The following KLHL22 variants were observed in gnomAD, a reference collection of about 807,000 sequenced individuals.
KLHL22 encodes kelch-like protein 22.
In KLHL22, 18 loss-of-function variants were observed where a neutral mutation model predicts 60.7. That is an observed-to-expected ratio of 0.30 (90% CI 0.20 to 0.44). KLHL22 has a LOEUF of 0.44. KLHL22 is among the 20% of genes least tolerant of loss of function. KLHL22 has a pLI of 1.00. For missense variants in KLHL22, 596 were observed against 852.3 expected, an observed-to-expected ratio of 0.70 and a Z score of 3.74; for synonymous variants, 355 against 354.5, an observed-to-expected ratio of 1.00 and a Z score of -0.01.
At chr22:20,457,408 G>A (rs2053080382) in intron 5 of KLHL22, among the ~76,000 whole-genome samples, 1 of 152,110 alleles carries the variant, frequency 6.6e-6, no homozygotes. Flanking sequence ...AGGCCAGTGA[G>A]CTCTCAGGGT....
chr22:20,459,974 G>A lies in KLHL22; in HGVS notation c.1113-1974C>T, dbSNP rs1361425125. 3.9e-5 allele frequency among the ~76,000 whole-genome samples: 6 copies of A among 152,342 alleles called. No individual in the cohort carries two copies. The East Asian group carries it at 1.2e-3, about 29-fold the overall frequency. On this transcript the variant is annotated intron_variant, in intron 4 of 6. Transcript: ENST00000328879. ...AGCTCCCTTGCAGTGATCAGGAAAG[G>A]CCTCCTGAGAAGGCAGGGTCTGAGA...
intron 3 of KLHL22, among the ~76,000 whole-genome samples, chr22:20,470,181 A>T (rs951688268): frequency 6.4e-4 from 97 of 151,058 alleles, no homozygotes; most frequent in African/African-American, 2.0e-3. Context: ...CCTATAAAAA[A>T]ATATATATAT....
At chr22:20,473,335 G>A (rs538940750) in intron 2 of KLHL22, among the ~76,000 whole-genome samples, 13 of 152,112 alleles carry the variant, frequency 8.5e-5, no homozygotes, top group African/African-American at 1.2e-4. Context: ...CTGCTGGGCC[G>A]AAGAGGACCC....
intron 3 of KLHL22, among the ~76,000 whole-genome samples, chr22:20,469,778 G>GTTT (rs362145): frequency 6.7e-6 from 1 of 149,838 alleles, no homozygotes; most frequent in Non-Finnish European, 1.5e-5. Context: ...GACTTGAGTT[G>GTTT]TTTTTTTTTA....
At position 20,446,548 on chromosome 22, in the gene KLHL22, A is replaced by G. The variant is rs8748; in HGVS notation, c.1434T>C (p.Asp478=). 133,893 of 1,613,716 alleles carry G rather than the reference A, an allele frequency of 0.083. 10,192 individuals are homozygous for G. Among genetic ancestry groups the G allele is most frequent in the East Asian group, 0.47 (21,190 of 44,864 alleles). Residue 478 remains aspartate, a synonymous_variant, in exon 6 of 7, where the codon GAT becomes GAC. Coordinates refer to ENST00000328879, the MANE Select transcript of KLHL22 (RefSeq NM_032775.4). ...PGSNTWHTLA[D]GPVRRAWHGM... is the part of the protein sequence containing the mutation. ...CGTGCCAGGCGCGCCGCACAGGCCC[A>G]TCAGCCAGTGTGTGCCAAGTGTTGC...
rs752310356 is a variant in KLHL22 at position 20,489,169 on chromosome 22, C to T, written c.43G>A (p.Ala15Thr). The T allele has an allele frequency of 3.7e-6, 6 of 1,614,130 alleles. 1 individual carries two copies. ...QEFTQLCKLPAQPSHPHCVNN... is the reference protein window; with the variant it reads ...QEFTQLCKLPTQPSHPHCVNN... ...ACGCAGTGTGGGTGTGAGGGCTGTG[C>T]AGGCAACTTGCAGAGCTGGGTGAAC... Residue 15 changes from alanine (A) to threonine (T), a missense_variant, in exon 2 of 7, where the codon GCA becomes ACA. Ala to Thr is a moderately conservative substitution (Grantham distance 58, BLOSUM62 0). Coordinates refer to ENST00000328879, the MANE Select transcript of KLHL22 (RefSeq NM_032775.4).
At position 20,465,885 on chromosome 22, in the gene KLHL22, G is replaced by C. The variant is rs188647748; in HGVS notation, c.394-309C>G. The stretch of plus-strand genomic sequence containing the variant: ...GAATGGAGTGCAGTGGCAGAATCTC[G>C]GCTCACTAACACCTCCCCCTCCCGG... On this transcript the variant is annotated intron_variant, in intron 3 of 6. Coordinates refer to ENST00000328879, the MANE Select transcript of KLHL22 (RefSeq NM_032775.4). This position sits in a 1 kb window ranked among gnomAD's most constrained non-coding sequence, Gnocchi z 4.9. Among the ~76,000 whole-genome samples the C allele has an allele frequency of 1.5e-4, 23 of 151,972 alleles. No homozygotes were observed. Among genetic ancestry groups the C allele is most frequent in the Admixed American group, 1.2e-3 (19 of 15,272 alleles).
intron 2 of KLHL22, among the ~76,000 whole-genome samples, chr22:20,476,321 G>A (rs1053403636): frequency 1.8e-4 from 27 of 151,844 alleles, no homozygotes; most frequent in Admixed American, 7.9e-4. Context: ...TGGCACCTCT[G>A]GGACTATATT....
intron 2 of KLHL22, among the ~76,000 whole-genome samples, chr22:20,472,657 C>T (rs183495227): frequency 4.0e-5 from 6 of 151,326 alleles, no homozygotes; most frequent in East Asian, 1.9e-4. Context: ...ACCCGGGAGG[C>T]GGAGGTTGCA....
At position 20,457,852 on chromosome 22, in the gene KLHL22, G is replaced by C. The variant is rs745625786; in HGVS notation, c.1261C>G (p.Pro421Ala). The change falls in exon 5 of 7, where the codon CCT becomes GCT. Residue 421 changes from proline (P) to alanine (A), a missense_variant. Transcript: ENST00000328879. Reference protein sequence around the residue: ...NDLNAVERYDPATNSWAYVAP... With the variant: ...NDLNAVERYDAATNSWAYVAP... Reference sequence around the variant, plus strand: ...ACGTATGCCCAGGAGTTGGTGGCAGGGTCGTAGCGCTCCACAGCATTCAGG... The same window carrying C: ...ACGTATGCCCAGGAGTTGGTGGCAGCGTCGTAGCGCTCCACAGCATTCAGG... The C allele has an allele frequency of 6.2e-7, 1 of 1,609,694 alleles. No individual in the cohort carries two copies. Among genetic ancestry groups the C allele is most frequent in the East Asian group, 2.2e-5 (1 of 44,778 alleles).
chr22:20,477,236 T>C (rs1013647488), intron 2 of KLHL22, among the ~76,000 whole-genome samples: 1 of 151,618 alleles, frequency 6.6e-6, no homozygotes, highest in African/African-American at 2.4e-5. Context: ...CTACTAAAAG[T>C]ACAAAAATTA....
chr22:20,449,676 G>T (rs2052942512), intron 5 of KLHL22, among the ~76,000 whole-genome samples: 1 of 152,254 alleles, frequency 6.6e-6, no homozygotes, highest in South Asian at 2.1e-4. Context: ...AAAGTGCTGG[G>T]ATTACAGGTG....
chr22:20,473,559 T>C (rs2053361011), intron 2 of KLHL22, among the ~76,000 whole-genome samples: 1 of 152,188 alleles, frequency 6.6e-6, no homozygotes, highest in South Asian at 2.1e-4. Flanking sequence ...GTAATACATA[T>C]ACATGCTACC....
chr22:20,475,500 A>T (rs916851000), intron 2 of KLHL22, among the ~76,000 whole-genome samples: 10 of 151,990 alleles, frequency 6.6e-5, no homozygotes, highest in African/African-American at 2.4e-4. Context: ...GGTATAAGGT[A>T]TGAAGCAAGG....
At chr22:20,446,378 C>A in intron 6 of KLHL22, 65 bp downstream of exon 6, 1 of 925,636 alleles carries the variant, frequency 1.1e-6, no homozygotes, top group Non-Finnish European at 1.7e-6. Flanking sequence ...ATTACATTTT[C>A]CATCAATAAC....
intron 5 of KLHL22, chr22:20,450,679 A>G (rs1385216483): frequency 3.7e-5 from 56 of 1,501,448 alleles, no homozygotes; most frequent in Non-Finnish European, 5.2e-5. Context: ...GTGCGATGAA[A>G]TTCAGGTGGA....
intron 4 of KLHL22, among the ~76,000 whole-genome samples, chr22:20,463,090 T>A (rs779686462): frequency 4.6e-5 from 7 of 152,326 alleles, no homozygotes; most frequent in Non-Finnish European, 8.8e-5. Flanking sequence ...CTGGAAGTTT[T>A]GAGTCCACTG....
chr22:20,485,871 A>G (rs1197471362), intron 2 of KLHL22, among the ~76,000 whole-genome samples: 1 of 150,764 alleles, frequency 6.6e-6, no homozygotes, highest in Non-Finnish European at 1.5e-5. Context: ...CCATCTCAAA[A>G]CAAACAAACA....
At chr22:20,450,639 G>C (rs1006563058) in intron 5 of KLHL22, 2 of 1,581,100 alleles carry the variant, frequency 1.3e-6, no homozygotes, top group Non-Finnish European at 1.7e-6. Context: ...TCATTCTTCT[G>C]AGGCAAGGAG....
Sources: gnomAD v4.1 joint callset for allele counts (sites outside exome capture counted in the v4.1 genomes callset) on GRCh38, gnomAD v4.1.1 for gene constraint, Gnocchi (gnomAD v3.1) non-coding constraint, MANE v1.5 for transcripts, NCBI Gene and HGNC (gene_info 2026-07-23, HGNC 2026-07-21) for gene names.